ATP7B: variants seen among roughly 807,000 people sequenced by gnomAD.
The protein encoded by ATP7B is ATPase copper transporting beta.
ATP7B carries 113 observed loss-of-function variants against 118.9 expected under a neutral mutation model. The observed-to-expected ratio is 0.95, with a 90% CI of 0.82 to 1.11. ATP7B has a LOEUF of 1.11. Among genes scored for constraint, ATP7B ranks in the 50% most tolerant of loss-of-function variants. The pLI is 0.00. For synonymous variants in ATP7B, 777 were observed against 727.4 expected (o/e 1.07, Z -1.10); for missense variants, 1,867 against 1,871.4 (o/e 1.00, Z 0.04).
chr13:51,988,222 AC>A lies in ATP7B; in HGVS notation c.52-13055del, dbSNP rs530985665. On this transcript the variant is annotated intron_variant, in intron 1 of 20. Transcript: ENST00000242839. ...TAAACAAATTTACAAGAAAAAAAAA[AC>A]AACCCCATCAAAAAGTGGGTGAAGA... Among the ~76,000 whole-genome samples the A allele has an allele frequency of 4.9e-3, 747 of 152,168 alleles. 8 individuals carry two copies. The highest frequency in any genetic ancestry group is 0.017 in the African/African-American group (696 of 41,536).
At chr13:51,957,633 G>A (rs1958440979) in intron 8 of ATP7B, 26 bp from the exon 9 acceptor site, 2 of 1,605,680 alleles carry the variant, frequency 1.2e-6, no homozygotes, top group Non-Finnish European at 1.7e-6. Context: ...AATGTGAAAT[G>A]AGAGCTATCG....
Position 51,932,737 on chromosome 13 carries a change from C to T in ATP7B, c.*2019G>A, listed in dbSNP as rs1424495564. 6.6e-6 allele frequency: 1 copy of T among 152,130 alleles called. No individual in the cohort carries two copies. The highest frequency in any genetic ancestry group is 1.5e-5 in the Non-Finnish European group (1 of 68,030). The allele number at this position is 152,130 out of a possible 1,614,324, so 9.4% of individuals were successfully genotyped here. A position where few individuals can be genotyped will look rare whatever the true frequency, so the allele number is the denominator to read the frequency against. On this transcript the variant is annotated 3_prime_UTR_variant, in exon 21 of 21. Coordinates refer to ENST00000242839, the MANE Select transcript of ATP7B (RefSeq NM_000053.4). Reference sequence around the variant, plus strand: ...ATGTTTTTGAAGTAGAAATGATTATCTGACAAAAAAACTCCTTACACTTTG... The same window carrying T: ...ATGTTTTTGAAGTAGAAATGATTATTTGACAAAAAAACTCCTTACACTTTG...
chr13:52,007,768 T>C (rs563694331), intron 1 of ATP7B, among the ~76,000 whole-genome samples: 1 of 152,310 alleles, frequency 6.6e-6, no homozygotes, highest in Admixed American at 6.5e-5. Context: ...AGGAGGTTCC[T>C]ACAATTACCT....
chr13:51,974,809 G>A lies in ATP7B; in HGVS notation c.411C>T (p.Ser137=). 6.2e-7 allele frequency: 1 copy of A among 1,614,222 alleles called. No homozygotes were observed. Among genetic ancestry groups the A allele is most frequent in the Non-Finnish European group, 8.5e-7 (1 of 1,180,038 alleles). Residue 137 remains serine (S), a synonymous_variant, in exon 2 of 21, where the codon TCC becomes TCT. Coordinates refer to ENST00000242839, the MANE Select transcript of ATP7B (RefSeq NM_000053.4). ...TGACCACAGCCTCCTGGGCAGGCAA[G>A]GACCTTGAGGGCCAGGAGGCTGCCT... is the stretch of plus-strand genomic sequence containing the variant. ...EGKAASWPSR[S]LPAQEAVVKL... is the part of the protein sequence containing the mutation.
chr13:51,938,646 G>A (rs1428537793), intron 17 of ATP7B, among the ~76,000 whole-genome samples: 2 of 152,196 alleles, frequency 1.3e-5, no homozygotes, highest in African/African-American at 4.8e-5. Context: ...CTCAGCATCA[G>A]GGGCTGCTGG....
Position 52,011,301 on chromosome 13 carries a change from C to T in ATP7B, c.37G>A (p.Gly13Arg). ...ACAAAACTCACTTTCCGACTGGCCCCTTCTCTGGCTGTGATCTGTCTCTCC... is the reference window on the plus strand; with the variant it reads ...ACAAAACTCACTTTCCGACTGGCCCTTTCTCTGGCTGTGATCTGTCTCTCC... ...EQERQITARE[G>R]ASRKILSKLS... Residue 13 changes from glycine (G) to arginine (R), a missense_variant, in exon 1 of 21, where the codon GGG becomes AGG. Physicochemically the swap from Gly to Arg is moderately radical, Grantham distance 125. Transcript: ENST00000242839. 6.2e-7 allele frequency: 1 copy of T among 1,614,238 alleles called. No individual in the cohort carries two copies. Among genetic ancestry groups the T allele is most frequent in the Non-Finnish European group, 8.5e-7 (1 of 1,180,024 alleles).
rs1302500140 is a variant in ATP7B, at chr13:51,946,331, T to C, written c.3013A>G (p.Asn1005Asp). 6.2e-7 allele frequency: 1 copy of C among 1,607,506 alleles called. No individual in the cohort carries two copies. The highest frequency in any genetic ancestry group is 1.3e-5 in the African/African-American group (1 of 74,962). ...TTGCCTCCCTTGATGAGGATGCCGT[T>C]CTGCGCGGCCACCCCGGTGCCCACC... ...VMVGTGVAAQ[N>D]GILIKGGKPL... Residue 1005 changes from asparagine to aspartate, a missense_variant, in exon 13 of 21, where the codon AAC becomes GAC. Transcript: ENST00000242839.
chr13:51,959,808 G>A (rs186183250), intron 7 of ATP7B: 36 of 342,280 alleles, frequency 1.1e-4, no homozygotes, highest in Non-Finnish European at 1.8e-4. Context: ...AGCAACAAAC[G>A]TAAATTAACC....
chr13:51,964,708 T>A, intron 5 of ATP7B, 164 bp downstream of exon 5: 1 of 749,000 alleles, frequency 1.3e-6, no homozygotes. Context: ...TATTATTTAC[T>A]TACCTGCAGT....
intron 1 of ATP7B, among the ~76,000 whole-genome samples, chr13:51,982,760 G>A (rs542203496): frequency 6.6e-6 from 1 of 152,334 alleles, no homozygotes; most frequent in Non-Finnish European, 1.5e-5. Flanking sequence ...AGCCCATGGA[G>A]GGCAAGCCAA....
intron 7 of ATP7B, chr13:51,959,690 T>G: frequency 4.9e-6 from 1 of 202,296 alleles, no homozygotes; most frequent in South Asian, 9.6e-5. Context: ...TTTCATGCCT[T>G]TCTCTTTTAA....
intron 1 of ATP7B, among the ~76,000 whole-genome samples, chr13:51,985,573 G>A (rs2140297446): frequency 6.6e-6 from 1 of 152,258 alleles, no homozygotes; most frequent in East Asian, 1.9e-4. Flanking sequence ...AGACTTAATA[G>A]ACATCTACAG....
chr13:51,998,508 T>C (rs1481783148), intron 1 of ATP7B, among the ~76,000 whole-genome samples: 2 of 152,226 alleles, frequency 1.3e-5, no homozygotes, highest in Non-Finnish European at 2.9e-5. Context: ...TAGAATTTCA[T>C]GGTACTTTTT....
intron 5 of ATP7B, among the ~76,000 whole-genome samples, chr13:51,964,023 C>G (rs1048336619): frequency 6.6e-6 from 1 of 151,862 alleles, no homozygotes. Context: ...TGCACTCCAG[C>G]CTGGGCGACA....
chr13:51,970,448 T>G (rs1951782651), intron 3 of ATP7B, 44 bp downstream of exon 3: 3 of 1,613,356 alleles, frequency 1.9e-6, no homozygotes, highest in African/African-American at 2.7e-5. Context: ...ATACGAGGTC[T>G]ATACGCAGCA....
At chr13:51,939,369 C>G (rs1024692402) in intron 16 of ATP7B, among the ~76,000 whole-genome samples, 176 bp from the exon 17 acceptor site, 8 of 152,148 alleles carry the variant, frequency 5.3e-5, no homozygotes, top group African/African-American at 1.9e-4. Flanking sequence ...CGGATGTACA[C>G]AAAAGTCTGG....
intron 17 of ATP7B, 27 bp from the exon 18 acceptor site, chr13:51,937,706 G>A (rs772127394): frequency 6.2e-7 from 1 of 1,611,962 alleles, no homozygotes; most frequent in Admixed American, 1.7e-5. Context: ...GCAATGCCTA[G>A]TGTTGGCAAA....
At chr13:51,946,099 G>A (rs76447754) in intron 13 of ATP7B, among the ~76,000 whole-genome samples, 185 bp downstream of exon 13, 133 of 152,308 alleles carry the variant, frequency 8.7e-4, no homozygotes, top group African/African-American at 3.0e-3. Context: ...TTGATAAAGC[G>A]TTCCATTATA....
chr13:51,951,876 C>A (rs77257983), intron 9 of ATP7B, among the ~76,000 whole-genome samples: 191 of 152,230 alleles, frequency 1.3e-3, no homozygotes, highest in African/African-American at 4.4e-3. Context: ...GGGGGAAATA[C>A]TGGTGAGAGA....
Sources: allele counts gnomAD v4.1 joint callset (sites outside exome capture counted in the v4.1 genomes callset), GRCh38; gene constraint gnomAD v4.1.1; transcripts MANE v1.5; gene names NCBI Gene and HGNC (gene_info 2026-07-23, HGNC 2026-07-21).